The following SEZ6L variants were observed in gnomAD, a reference collection of about 807,000 sequenced individuals.
SEZ6L encodes seizure related 6 homolog like, also known as seizure 6-like protein.
A neutral mutation model predicts 106.2 loss-of-function variants in SEZ6L; 37 were observed. The ratio of observed to expected loss-of-function variants is 0.35; its 90% CI spans 0.27 to 0.46. SEZ6L has a LOEUF of 0.46. Ranked by LOEUF, SEZ6L falls within the 20% of genes least tolerant of loss-of-function variation. The pLI is 1.00. For missense variants in SEZ6L, 1,172 were observed against 1,332.8 expected (o/e 0.88, Z 1.88); for synonymous variants, 541 against 570.4 (o/e 0.95, Z 0.73).
intron 1 of SEZ6L, among the ~76,000 whole-genome samples, chr22:26,279,777 C>T (rs1055555762): frequency 6.6e-6 from 1 of 152,170 alleles, no homozygotes; most frequent in Non-Finnish European, 1.5e-5. Context: ...AACATCCCTC[C>T]TCCCCCTGGA....
chr22:26,241,987 A>G (rs1306714696), intron 1 of SEZ6L, among the ~76,000 whole-genome samples: 1 of 152,252 alleles, frequency 6.6e-6, no homozygotes, highest in East Asian at 1.9e-4. Context: ...AGGCTCATGG[A>G]AAACTGACTT....
At chr22:26,358,627 G>C (rs1010386200) in intron 12 of SEZ6L, among the ~76,000 whole-genome samples, 1 of 152,204 alleles carries the variant, frequency 6.6e-6, no homozygotes, top group African/African-American at 2.4e-5. Flanking sequence ...GAGTGGGTTC[G>C]TGAGTAGATC....
intron 9 of SEZ6L, among the ~76,000 whole-genome samples, chr22:26,327,268 C>CCA (rs140370359): frequency 6.8e-6 from 1 of 146,508 alleles, no homozygotes; most frequent in Non-Finnish European, 1.5e-5. Flanking sequence ...CTCACACACA[C>CCA]CACACACACA....
At chr22:26,351,504 A>G in intron 12 of SEZ6L, 1 of 404,134 alleles carries the variant, frequency 2.5e-6, no homozygotes, top group Non-Finnish European at 4.3e-6. Flanking sequence ...AGCATAGTAT[A>G]CTTTGTTTTT....
intron 2 of SEZ6L, 133 bp downstream of exon 2, chr22:26,293,279 T>A: frequency 7.8e-7 from 1 of 1,288,056 alleles, no homozygotes. Flanking sequence ...GCACTGACTA[T>A]GAGCTTCGCC....
At position 26,306,061 on chromosome 22, in the gene SEZ6L, A is replaced by C; in HGVS notation, c.1431A>C (p.Gln477His). 6.2e-7 allele frequency: 1 copy of C among 1,614,136 alleles called. No homozygotes were observed. Among genetic ancestry groups the C allele is most frequent in the Non-Finnish European group, 8.5e-7 (1 of 1,180,010 alleles). ...ACCCTGAAAACACAAATGGGAGCCAATTCTGCATCTGGACGATTGAAGCTC... is the reference window on the plus strand; with the variant it reads ...ACCCTGAAAACACAAATGGGAGCCACTTCTGCATCTGGACGATTGAAGCTC... ...PSYPENTNGS[Q>H]FCIWTIEAPE... Residue 477 changes from glutamine (Q) to histidine (H), a missense_variant, in exon 6 of 17, where the codon CAA (glutamine) becomes CAC (histidine). Physicochemically the swap from Gln to His is conservative, Grantham distance 24. Transcript: ENST00000248933.
At chr22:26,326,867 G>GCCCCCGCAAA (rs1241500489) in intron 9 of SEZ6L, among the ~76,000 whole-genome samples, 4 of 152,238 alleles carry the variant, frequency 2.6e-5, no homozygotes, top group African/African-American at 9.6e-5. Context: ...GCCTGGGGAA[G>GCCCCCGCAAA]CCCCTGCAAA....
At chr22:26,370,758 C>A (rs2084003919) in intron 13 of SEZ6L, among the ~76,000 whole-genome samples, 1 of 151,822 alleles carries the variant, frequency 6.6e-6, no homozygotes, top group Admixed American at 6.6e-5. Context: ...AATCCCAGCA[C>A]TTTGAGAGGC....
intron 1 of SEZ6L, among the ~76,000 whole-genome samples, chr22:26,280,594 T>C (rs968615620): frequency 5.3e-5 from 8 of 152,160 alleles, no homozygotes; most frequent in African/African-American, 1.9e-4. Context: ...CTATACAGTC[T>C]GAAAACATTC....
At chr22:26,253,788 A>T (rs1022135996) in intron 1 of SEZ6L, among the ~76,000 whole-genome samples, 1 of 152,242 alleles carries the variant, frequency 6.6e-6, no homozygotes, top group Non-Finnish European at 1.5e-5. Context: ...ATAAATAAGT[A>T]TACAGTATAT....
chr22:26,177,520 G>A (rs1043323403), intron 1 of SEZ6L, among the ~76,000 whole-genome samples: 3 of 152,170 alleles, frequency 2.0e-5, no homozygotes, highest in African/African-American at 7.2e-5. Context: ...ACTGCTTATT[G>A]TTGAATCTGC....
chr22:26,296,316 T>G (rs1165526253), intron 3 of SEZ6L, among the ~76,000 whole-genome samples: 1 of 152,142 alleles, frequency 6.6e-6, no homozygotes, highest in African/African-American at 2.4e-5. Context: ...GCCCTAGAAA[T>G]GAGGCCCCCA....
intron 1 of SEZ6L, among the ~76,000 whole-genome samples, chr22:26,250,105 A>G (rs1369046929): frequency 6.6e-6 from 1 of 152,140 alleles, no homozygotes; most frequent in Non-Finnish European, 1.5e-5. Flanking sequence ...ATTTTCTCCC[A>G]TTCTGCAGGT....
chr22:26,203,232 G>T (rs1467379606), intron 1 of SEZ6L, among the ~76,000 whole-genome samples: 1 of 152,242 alleles, frequency 6.6e-6, no homozygotes, highest in East Asian at 1.9e-4. Flanking sequence ...TCAGTTGCAA[G>T]TTGCTCACTT....
intron 1 of SEZ6L, among the ~76,000 whole-genome samples, chr22:26,290,772 C>T (rs887043902): frequency 6.6e-6 from 1 of 152,250 alleles, no homozygotes; most frequent in Non-Finnish European, 1.5e-5. Context: ...ATCCCCCGTA[C>T]TCTCCACTTG....
chr22:26,292,502 A>T lies in SEZ6L; in HGVS notation c.191A>T (p.Glu64Val). 2.5e-6 allele frequency: 4 copies of T among 1,613,920 alleles called. No individual in the cohort carries two copies. The South Asian group carries it at 3.3e-5, about 13-fold the overall frequency. ...AGTCCTGGCAAAGAGCACCCTGAAG[A>T]GAGAGTGGTAACAGCGCCCCCCAGT... ...RGSPGKEHPE[E>V]RVVTAPPSSS... The change falls in exon 2 of 17, where the codon GAG (glutamate) becomes GTG (valine). Residue 64 changes from glutamate to valine, a missense_variant. By Grantham distance (121) the Glu-to-Val change is moderately radical (BLOSUM62 -2). Around this residue, in one of 4 missense-constraint regions of SEZ6L, gnomAD observed 494 missense variants for 445.8 expected, o/e 1.11. Transcript: ENST00000248933.
chr22:26,355,011 C>T lies in SEZ6L; in HGVS notation c.2599+3768C>T, dbSNP rs8141701. ...GAGAGATGGTCCGATTCTGGCAGCG[C>T]GGCTCCTGAGTAAGAGGGAGGATGC... On this transcript the variant is annotated intron_variant, in intron 12 of 16. Transcript: ENST00000248933. 7.3e-3 allele frequency among the ~76,000 whole-genome samples: 1,113 copies of T among 152,330 alleles called. 13 individuals are homozygous for T. Among genetic ancestry groups the T allele is most frequent in the African/African-American group, 0.025 (1,021 of 41,576 alleles).
intron 1 of SEZ6L, among the ~76,000 whole-genome samples, chr22:26,198,470 A>C (rs1940720918): frequency 6.6e-6 from 1 of 152,264 alleles, no homozygotes; most frequent in African/African-American, 2.4e-5. Context: ...GGGGACAACA[A>C]GCATAAAATA....
chr22:26,352,379 G>T (rs1569475347), intron 12 of SEZ6L, among the ~76,000 whole-genome samples: 1 of 152,134 alleles, frequency 6.6e-6, no homozygotes, highest in Non-Finnish European at 1.5e-5. Flanking sequence ...AACTCCAGAA[G>T]CCACAGTGAG....
Sources: allele counts gnomAD v4.1 joint callset (sites outside exome capture counted in the v4.1 genomes callset), GRCh38; gene constraint gnomAD v4.1.1; regional missense constraint gnomAD v4.1.1; transcripts MANE v1.5; gene names NCBI Gene and HGNC (gene_info 2026-07-23, HGNC 2026-07-21).